Variants in TGFBR3 observed in about 807,000 individuals in gnomAD.
The protein encoded by TGFBR3 is transforming growth factor beta receptor type 3.
In TGFBR3, 46 loss-of-function variants were observed where a neutral mutation model predicts 87.9. The ratio of observed to expected loss-of-function variants is 0.52; its 90% confidence interval spans 0.41 to 0.67. TGFBR3 has a LOEUF of 0.67. Among genes scored for constraint, TGFBR3 ranks in the 30% least tolerant of loss-of-function variants. The pLI, the probability that TGFBR3 is intolerant of heterozygous loss-of-function variation, is 0.00. For missense variants in TGFBR3, 866 were observed against 1,041.9 expected (o/e 0.83, Z 2.32); for synonymous variants, 381 against 391.6 (o/e 0.97, Z 0.32).
At position 91,680,454 on chromosome 1, in the gene TGFBR3, GA is replaced by G. The variant is rs1670869822; in HGVS notation, c.*3284del. Reference sequence around the variant, plus strand: ...CAAAATAGCTGACACACTGAACAGAGAAAAGAATACAACAGGGGTGTTCAAA... The same window carrying G: ...CAAAATAGCTGACACACTGAACAGAGAAAGAATACAACAGGGGTGTTCAAA... On this transcript the variant is annotated 3_prime_UTR_variant, in exon 17 of 17. Transcript: ENST00000212355. 4 of 454,028 alleles carry G rather than the reference GA, an allele frequency of 8.8e-6. No individual in the cohort carries two copies. Among genetic ancestry groups the G allele is most frequent in the Non-Finnish European group, 1.8e-5 (4 of 226,772 alleles). The allele number at this position is 454,028 out of a possible 1,614,324, so 28.1% of individuals were successfully genotyped here. A position where few individuals can be genotyped will look rare whatever the true frequency, so the allele number is the denominator to read the frequency against.
intron 12 of TGFBR3, among the ~76,000 whole-genome samples, chr1:91,715,835 G>T (rs1286857491): frequency 6.6e-6 from 1 of 151,608 alleles, no homozygotes; most frequent in East Asian, 1.9e-4. Context: ...CCTGCTGGGG[G>T]CTAAGGGGAC....
At chr1:91,728,266 T>TA (rs200793580) in intron 6 of TGFBR3, among the ~76,000 whole-genome samples, 9,523 of 147,214 alleles carry the variant, frequency 0.065, 393 homozygotes, top group East Asian at 0.23. Context: ...AGCATGGTGG[T>TA]AAAAAAAAAA....
intron 1 of TGFBR3, among the ~76,000 whole-genome samples, chr1:91,885,206 A>G (rs561202286): frequency 8.2e-4 from 125 of 152,354 alleles, no homozygotes; most frequent in African/African-American, 2.8e-3. Context: ...TTCATGCTTG[A>G]CACGTCGGCT....
chr1:91,794,809 T>C (rs1267801686), intron 3 of TGFBR3, among the ~76,000 whole-genome samples: 1 of 152,222 alleles, frequency 6.6e-6, no homozygotes, highest in Admixed American at 6.5e-5. Flanking sequence ...AATTTGGGTT[T>C]TTCCACTTTT....
chr1:91,810,829 G>C (rs973867514), intron 2 of TGFBR3, among the ~76,000 whole-genome samples: 1 of 151,980 alleles, frequency 6.6e-6, no homozygotes, highest in Non-Finnish European at 1.5e-5. Flanking sequence ...TTTTATTATT[G>C]TATTACTGTA....
At chr1:91,809,521 G>A (rs1047274983) in intron 2 of TGFBR3, among the ~76,000 whole-genome samples, 8 of 152,200 alleles carry the variant, frequency 5.3e-5, no homozygotes, top group African/African-American at 1.7e-4. Flanking sequence ...CACTGGTCCT[G>A]ATTGCAGATA....
At chr1:91,853,928 G>A (rs1262226565) in intron 2 of TGFBR3, among the ~76,000 whole-genome samples, 5 of 152,112 alleles carry the variant, frequency 3.3e-5, no homozygotes, top group Admixed American at 1.3e-4. Context: ...AGAATCACTC[G>A]AACCCGGGAG....
chr1:91,681,831 T>TGGAAA lies in TGFBR3; in HGVS notation c.*1907_*1908insTTTCC, dbSNP rs1670918589. ...CTGAAACAATACATTCCACCGAAGG[T>TGGAAA]TAGGCAAAGCGCAATATTTTCAAAC... On this transcript the variant is annotated 3_prime_UTR_variant, in exon 17 of 17. Transcript: ENST00000212355. 3 of 453,370 alleles carry TGGAAA rather than the reference T, an allele frequency of 6.6e-6. No individual in the cohort carries two copies. The highest frequency in any genetic ancestry group is 1.3e-5 in the Non-Finnish European group (3 of 226,648). The allele number at this position is 453,370 out of a possible 1,614,324, so 28.1% of individuals were successfully genotyped here. A position where few individuals can be genotyped will look rare whatever the true frequency, so the allele number is the denominator to read the frequency against.
At chr1:91,817,879 A>G (rs1676291647) in intron 2 of TGFBR3, among the ~76,000 whole-genome samples, 1 of 99,322 alleles carries the variant, frequency 1.0e-5, no homozygotes, top group Non-Finnish European at 2.0e-5. Flanking sequence ...TACTGATAAC[A>G]GAAAAAAAAA....
At chr1:91,858,624 A>G (rs1039205193) in intron 2 of TGFBR3, among the ~76,000 whole-genome samples, 1 of 151,058 alleles carries the variant, frequency 6.6e-6, no homozygotes, top group Non-Finnish European at 1.5e-5. Flanking sequence ...AAAAAAAAAA[A>G]AAAAAAAAAC....
At chr1:91,798,129 C>T (rs577719068) in intron 2 of TGFBR3, among the ~76,000 whole-genome samples, 2 of 152,268 alleles carry the variant, frequency 1.3e-5, no homozygotes, top group South Asian at 4.2e-4. Context: ...GCCTTAAATC[C>T]TAAATCCATC....
intron 2 of TGFBR3, among the ~76,000 whole-genome samples, chr1:91,831,705 A>G (rs1281395400): frequency 6.6e-6 from 1 of 152,248 alleles, no homozygotes; most frequent in African/African-American, 2.4e-5. Context: ...ATAGTTCAAT[A>G]ATTTAGACTT....
intron 3 of TGFBR3, among the ~76,000 whole-genome samples, chr1:91,787,911 C>A (rs986273595): frequency 1.3e-5 from 2 of 150,106 alleles, no homozygotes; most frequent in African/African-American, 5.0e-5. Flanking sequence ...ATACTCCAGC[C>A]TGGGCGACAG....
At chr1:91,857,222 G>A (rs1165033266) in intron 2 of TGFBR3, among the ~76,000 whole-genome samples, 1 of 152,198 alleles carries the variant, frequency 6.6e-6, no homozygotes, top group Admixed American at 6.5e-5. Context: ...TGGAAGAAGA[G>A]AGCATCCAAA....
intron 10 of TGFBR3, among the ~76,000 whole-genome samples, chr1:91,716,980 G>A (rs1202689962): frequency 6.6e-6 from 1 of 152,112 alleles, no homozygotes; most frequent in Non-Finnish European, 1.5e-5. Flanking sequence ...TAACCATATT[G>A]AATAATTACA....
At chr1:91,809,233 T>C (rs1675943779) in intron 2 of TGFBR3, among the ~76,000 whole-genome samples, 1 of 152,214 alleles carries the variant, frequency 6.6e-6, no homozygotes, top group South Asian at 2.1e-4. Flanking sequence ...AGATGATCAC[T>C]AATTTTCTCT....
At chr1:91,873,505 T>C (rs1450003543) in intron 1 of TGFBR3, among the ~76,000 whole-genome samples, 3 of 151,696 alleles carry the variant, frequency 2.0e-5, no homozygotes, top group Non-Finnish European at 4.4e-5. Context: ...CAGGCTGCTC[T>C]CAAACTCCTG....
At chr1:91,880,597 CAA>C (rs1679044433) in intron 1 of TGFBR3, among the ~76,000 whole-genome samples, 1 of 149,940 alleles carries the variant, frequency 6.7e-6, no homozygotes, top group Non-Finnish European at 1.5e-5. Flanking sequence ...GACTCCGTCC[CAA>C]AAAAAATAAA....
intron 4 of TGFBR3, among the ~76,000 whole-genome samples, chr1:91,744,997 A>T (rs535946550): frequency 8.2e-6 from 1 of 121,744 alleles, no homozygotes; most frequent in Admixed American, 9.6e-5. Context: ...AATCTGTTCC[A>T]GGAATCTCAA....
Sources: allele counts gnomAD v4.1 joint callset (sites outside exome capture counted in the v4.1 genomes callset), GRCh38; gene constraint gnomAD v4.1.1; transcripts MANE v1.5; gene names NCBI Gene and HGNC (gene_info 2026-07-23, HGNC 2026-07-21).